The following SLC7A14 variants were observed in gnomAD, a reference collection of about 807,000 sequenced individuals.
SLC7A14 encodes solute carrier family 7 member 14, also known as gamma-aminobutyric acid transporter SLC7A14.
A neutral mutation model predicts 60.2 loss-of-function variants in SLC7A14; 37 were observed. The ratio of observed to expected loss-of-function variants is 0.61; its 90% confidence interval spans 0.47 to 0.81. The LOEUF is 0.81. SLC7A14 is among the 30% of genes least tolerant of loss of function. The pLI, the probability that SLC7A14 is intolerant of heterozygous loss-of-function variation, is 0.00. For synonymous variants in SLC7A14, 399 were observed against 395.8 expected, an observed-to-expected ratio of 1.01 and a Z score of -0.10; for missense variants, 886 against 982.7, an observed-to-expected ratio of 0.90 and a Z score of 1.32.
Position 170,462,853 on chromosome 3 carries a change from T to C in SLC7A14, c.*4202A>G, listed in dbSNP as rs1489154265. The C allele has an allele frequency of 3.9e-5, 6 of 152,368 alleles. No individual in the cohort carries two copies. In the East Asian group the frequency reaches 1.2e-3, roughly 29 times the overall value. 9.4% of individuals were successfully genotyped at this position (152,368 alleles called of 1,614,324 possible). A position where few individuals can be genotyped will look rare whatever the true frequency, so the allele number is the denominator to read the frequency against. ...AAACCTATTGTTGAAAACTTTAAAG[T>C]GGCTGTTAAATTGTGTTGCTTGTCC... is the stretch of plus-strand genomic sequence containing the variant. On this transcript the variant is annotated 3_prime_UTR_variant, in exon 8 of 8. Transcript: ENST00000231706.
intron 1 of SLC7A14, among the ~76,000 whole-genome samples, chr3:170,543,070 G>A (rs1714068285): frequency 6.6e-6 from 1 of 152,152 alleles, no homozygotes; most frequent in African/African-American, 2.4e-5. Flanking sequence ...GGGCTAGATG[G>A]TTTATAAACT....
chr3:170,471,064 G>C (rs1739887159), intron 7 of SLC7A14, among the ~76,000 whole-genome samples: 1 of 149,572 alleles, frequency 6.7e-6, no homozygotes, highest in Non-Finnish European at 1.5e-5. Flanking sequence ...GTTTTGTTTA[G>C]ACTCCCTTTA....
chr3:170,529,912 A>G (rs1316767156), intron 1 of SLC7A14, among the ~76,000 whole-genome samples: 3 of 152,184 alleles, frequency 2.0e-5, no homozygotes, highest in Non-Finnish European at 4.4e-5. Flanking sequence ...CGAAAACACC[A>G]GAAGCTAGAA....
intron 7 of SLC7A14, among the ~76,000 whole-genome samples, chr3:170,478,193 T>A (rs1283643981): frequency 1.3e-5 from 2 of 152,174 alleles, no homozygotes; most frequent in Non-Finnish European, 2.9e-5. Flanking sequence ...TTTTCCTGTC[T>A]CATCCTCCCA....
chr3:170,495,768 C>T (rs1712370535), intron 4 of SLC7A14: 14 of 1,169,516 alleles, frequency 1.2e-5, no homozygotes, highest in South Asian at 6.1e-5. Context: ...CGACAAGGTA[C>T]GGTTCCTGCA....
intron 2 of SLC7A14, among the ~76,000 whole-genome samples, chr3:170,516,680 T>C (rs1436099062): frequency 1.3e-5 from 2 of 152,120 alleles, no homozygotes; most frequent in African/African-American, 2.4e-5. Flanking sequence ...ATTGGGAGGA[T>C]CACTCGGGCC....
chr3:170,477,452 G>A (rs1711653987), intron 7 of SLC7A14, among the ~76,000 whole-genome samples: 1 of 152,212 alleles, frequency 6.6e-6, no homozygotes, highest in African/African-American at 2.4e-5. Flanking sequence ...TGTGACCTCA[G>A]GCAAGTGCCT....
intron 7 of SLC7A14, among the ~76,000 whole-genome samples, chr3:170,479,431 G>A (rs1711738951): frequency 2.0e-5 from 3 of 152,202 alleles, no homozygotes; most frequent in Admixed American, 2.0e-4. Context: ...ATGAACATCA[G>A]AGATTGTCCT....
intron 2 of SLC7A14, among the ~76,000 whole-genome samples, chr3:170,517,140 G>A (rs1320131568): frequency 1.3e-5 from 2 of 152,132 alleles, no homozygotes; most frequent in Non-Finnish European, 2.9e-5. Context: ...CACAGTATTT[G>A]CCTAATAACA....
chr3:170,553,573 A>G (rs1474082865), intron 1 of SLC7A14, among the ~76,000 whole-genome samples: 1 of 152,258 alleles, frequency 6.6e-6, no homozygotes, highest in South Asian at 2.1e-4. Context: ...AAGGAAAGAG[A>G]CAGTTTAAAA....
intron 1 of SLC7A14, among the ~76,000 whole-genome samples, chr3:170,563,237 A>G (rs1017832497): frequency 1.3e-5 from 2 of 152,002 alleles, no homozygotes; most frequent in Non-Finnish European, 2.9e-5. Flanking sequence ...AAGTCAATAC[A>G]ATATTTGCCA....
At chr3:170,515,686 G>GT (rs886940794) in intron 2 of SLC7A14, among the ~76,000 whole-genome samples, 1 of 152,032 alleles carries the variant, frequency 6.6e-6, no homozygotes, top group Non-Finnish European at 1.5e-5. Flanking sequence ...TCTCTTGGTT[G>GT]TTTTTCATGC....
chr3:170,506,616 T>G (rs1034930658), intron 2 of SLC7A14, among the ~76,000 whole-genome samples: 2 of 152,228 alleles, frequency 1.3e-5, no homozygotes, highest in Admixed American at 1.3e-4. Flanking sequence ...AGAGCCAGCC[T>G]TAGGTTTAGT....
chr3:170,526,782 A>C lies in SLC7A14; in HGVS notation c.155T>G (p.Val52Gly). 1 of 1,614,226 alleles carries C rather than the reference A, an allele frequency of 6.2e-7. No homozygotes were observed. Among genetic ancestry groups the C allele is most frequent in the Non-Finnish European group, 8.5e-7 (1 of 1,180,038 alleles). ...TTAHGTKLAQ[V>G]LTTVDLISLG... ...AGAGATGAGGTCCACTGTGGTGAGT[A>C]CCTGGGCTAGCTTAGTTCCATGTGC... The change falls in exon 2 of 8, where the codon GTA (valine) becomes GGA (glycine). Residue 52 changes from valine (V) to glycine (G), a missense_variant. Val to Gly is a moderately radical substitution (Grantham distance 109). Transcript: ENST00000231706.
At chr3:170,484,600 A>T (rs1405974234) in intron 5 of SLC7A14, among the ~76,000 whole-genome samples, 1 of 152,212 alleles carries the variant, frequency 6.6e-6, no homozygotes. Flanking sequence ...GGGTGGTCAC[A>T]TGTAGACCAT....
intron 4 of SLC7A14, among the ~76,000 whole-genome samples, chr3:170,490,601 G>T (rs1275362568): frequency 6.6e-6 from 1 of 152,226 alleles, no homozygotes; most frequent in Admixed American, 6.5e-5. Context: ...CTTTAAATAT[G>T]TGCAGTACCG....
chr3:170,501,332 T>C lies in SLC7A14; in HGVS notation c.318A>G (p.Ala106=). The change falls in exon 3 of 8, where the codon GCA becomes GCG. Residue 106 remains alanine (A), a synonymous_variant. Coordinates refer to ENST00000231706, the MANE Select transcript of SLC7A14 (RefSeq NM_020949.3). The part of the protein sequence containing the change: ...VASILSGVCY[A]EFGVRVPKTT... ...TCTTGGGGACTCGAACTCCAAACTC[T>C]GCATAGCAGACGCCTGCAAGGGACA... The C allele has an allele frequency of 6.2e-7, 1 of 1,614,194 alleles. No individual in the cohort carries two copies. The highest frequency in any genetic ancestry group is 8.5e-7 in the Non-Finnish European group (1 of 1,180,020).
chr3:170,575,612 T>C (rs887501935), intron 1 of SLC7A14, among the ~76,000 whole-genome samples: 2 of 152,220 alleles, frequency 1.3e-5, no homozygotes, highest in African/African-American at 2.4e-5. Flanking sequence ...TTATGCTCAA[T>C]TGATGGCTAA....
chr3:170,504,336 T>G (rs564460114), intron 2 of SLC7A14, among the ~76,000 whole-genome samples: 1 of 152,234 alleles, frequency 6.6e-6, no homozygotes, highest in Non-Finnish European at 1.5e-5. Context: ...TTTTAAATTT[T>G]TTTAGATGGA....
Sources: gnomAD v4.1 joint callset for allele counts (sites outside exome capture counted in the v4.1 genomes callset) on GRCh38, gnomAD v4.1.1 for gene constraint, MANE v1.5 for transcripts, NCBI Gene and HGNC (gene_info 2026-07-23, HGNC 2026-07-21) for gene names.